Variants in ING5 observed in about 807,000 individuals in gnomAD.
The protein encoded by ING5 is inhibitor of growth family member 5, also known as inhibitor of growth protein 5.
A neutral mutation model predicts 37.4 loss-of-function variants in ING5; 17 were observed. The observed-to-expected ratio is 0.45, with a 90% CI of 0.31 to 0.68. The LOEUF (loss-of-function observed/expected upper bound fraction) is 0.68, where lower values mean the gene tolerates loss of function less well. Among genes scored for constraint, ING5 ranks in the 30% least tolerant of loss-of-function variants. The probability of loss-of-function intolerance (pLI) is 0.05; values close to 1 mark genes in which losing one functional copy is unlikely to be tolerated. For synonymous variants in ING5, 123 were observed against 116.6 expected, an observed-to-expected ratio of 1.06 and a Z score of -0.36; for missense variants, 233 against 311.9, an observed-to-expected ratio of 0.75 and a Z score of 1.91.
At chr2:241,718,482 T>A (rs1437262111) in intron 5 of ING5, among the ~76,000 whole-genome samples, 1 of 145,330 alleles carries the variant, frequency 6.9e-6, no homozygotes, top group African/African-American at 2.5e-5. Context: ...ACTGGTACAA[T>A]CTTGGCTCAC....
chr2:241,692,466 CTT>C (rs577054689), intron 2 of ING5, among the ~76,000 whole-genome samples: 6 of 143,526 alleles, frequency 4.2e-5, no homozygotes, highest in Admixed American at 7.0e-5. Flanking sequence ...ACACATCTGG[CTT>C]TTTTTTTTTT....
rs1261960393 is a variant in ING5 at position 241,723,277 on chromosome 2, T to C, written c.680+6T>C. 1 of 1,613,732 alleles carries C rather than the reference T, an allele frequency of 6.2e-7. No homozygotes were observed. Among genetic ancestry groups the C allele is most frequent in the Non-Finnish European group, 8.5e-7 (1 of 1,179,622 alleles). On this transcript the variant is annotated splice_donor_region_variant and intron_variant, in intron 7 of 7. Coordinates refer to ENST00000313552, the MANE Select transcript of ING5 (RefSeq NM_032329.6). Reference sequence around the variant, plus strand: ...ACGAAACCCAAAGGAAAATGGTGAGTGTGGGGACGCTCGCTCTGTTTTCTC... The same window carrying C: ...ACGAAACCCAAAGGAAAATGGTGAGCGTGGGGACGCTCGCTCTGTTTTCTC...
intron 5 of ING5, chr2:241,721,778 T>C (rs1231383637): frequency 1.0e-5 from 10 of 985,484 alleles, no homozygotes; most frequent in Non-Finnish European, 1.2e-5. Flanking sequence ...TGAAAAATAC[T>C]GAAATATAAA....
rs544720130 is a variant in ING5 at position 241,712,192 on chromosome 2, T to C, written c.482+121T>C. On this transcript the variant is annotated intron_variant, in intron 5 of 7. Transcript: ENST00000313552. ...GCACCCCGTGTGCCGGGTGGTATTC[T>C]GATTCTTACGCTGCGCGCCTGTCGT... 54 of 812,136 alleles carry C rather than the reference T, an allele frequency of 6.6e-5. No homozygotes were observed. The African/African-American group carries it at 8.7e-4, about 13-fold the overall frequency. 50.3% of individuals were successfully genotyped at this position (812,136 alleles called of 1,614,324 possible). A position where few individuals can be genotyped will look rare whatever the true frequency, so the allele number is the denominator to read the frequency against.
intron 2 of ING5, chr2:241,694,061 TATATG>T (rs370985914): frequency 2.4e-4 from 37 of 152,168 alleles, no homozygotes; most frequent in African/African-American, 7.5e-4. Context: ...TTATATTTAA[TATATG>T]ATATGTGAGG....
chr2:241,701,172 C>A, upstream of ING5, among the ~76,000 whole-genome samples: 1 of 150,342 alleles, frequency 6.7e-6, no homozygotes, highest in African/African-American at 2.5e-5. Flanking sequence ...ACACGTTGGC[C>A]AGGCTGGTCT....
rs936101556 is a variant in ING5 at position 241,723,966 on chromosome 2, C to T, written c.680+695C>T. On this transcript the variant is annotated intron_variant, in intron 7 of 7. Transcript: ENST00000313552. ...CCGAGGCTTCAGTGAGCTGAGATCGCGCCACTGCACTCCAGCCTGGGCGAG... is the reference window on the plus strand; with the variant it reads ...CCGAGGCTTCAGTGAGCTGAGATCGTGCCACTGCACTCCAGCCTGGGCGAG... 67 of 1,240,424 alleles carry T rather than the reference C, an allele frequency of 5.4e-5. 1 individual carries two copies. Among genetic ancestry groups the T allele is most frequent in the Admixed American group, 1.2e-4 (5 of 41,564 alleles). 76.8% of individuals were successfully genotyped at this position (1,240,424 alleles called of 1,614,324 possible). A position where few individuals can be genotyped will look rare whatever the true frequency, so the allele number is the denominator to read the frequency against.
chr2:241,687,532 G>A (rs1444129628), exon 1 of ING5: 1 of 375,914 alleles, frequency 2.7e-6, no homozygotes, highest in African/African-American at 2.3e-5. Flanking sequence ...TGTTTTTGTT[G>A]TTTTTGTTTG....
chr2:241,705,328 T>G (rs1384474748), intron 2 of ING5, among the ~76,000 whole-genome samples: 1 of 151,404 alleles, frequency 6.6e-6, no homozygotes, highest in African/African-American at 2.4e-5. Flanking sequence ...TCTGCCCGCC[T>G]CAGCCTCCCA....
intron 3 of ING5, among the ~76,000 whole-genome samples, chr2:241,711,081 C>T (rs987751907): frequency 5.9e-5 from 9 of 152,144 alleles, no homozygotes; most frequent in African/African-American, 2.2e-4. Context: ...TAGGGTTCAG[C>T]GTCAGATATC....
intron 2 of ING5, among the ~76,000 whole-genome samples, chr2:241,708,131 C>T (rs554231330): frequency 8.6e-5 from 13 of 151,962 alleles, no homozygotes; most frequent in Admixed American, 2.6e-4. Context: ...CTCTTAACCT[C>T]GTGATCCTCC....
At chr2:241,691,446 A>C (rs959457494) in intron 2 of ING5, among the ~76,000 whole-genome samples, 3 of 148,760 alleles carry the variant, frequency 2.0e-5, no homozygotes, top group African/African-American at 7.8e-5. Context: ...CTCAAAAAAA[A>C]AAAACAAAAA....
intron 2 of ING5, among the ~76,000 whole-genome samples, chr2:241,693,114 C>T (rs894617874): frequency 6.6e-6 from 1 of 151,972 alleles, no homozygotes; most frequent in African/African-American, 2.4e-5. Context: ...CACAAATTAG[C>T]TGGGTGTGGT....
intron 5 of ING5, among the ~76,000 whole-genome samples, chr2:241,712,541 T>C (rs1559307297): frequency 6.6e-6 from 1 of 152,222 alleles, no homozygotes; most frequent in Non-Finnish European, 1.5e-5. Context: ...TAAATAGACA[T>C]GTCATTTAAC....
chr2:241,692,824 G>T (rs1000361693), intron 2 of ING5, among the ~76,000 whole-genome samples: 1 of 152,038 alleles, frequency 6.6e-6, no homozygotes, highest in South Asian at 2.1e-4. Context: ...TTGAGGAGAC[G>T]TCTCCTTTCA....
At chr2:241,724,049 C>T in intron 7 of ING5, 4 of 1,388,368 alleles carry the variant, frequency 2.9e-6, no homozygotes, top group Non-Finnish European at 3.7e-6. Flanking sequence ...GCTTTGTTTG[C>T]CTGTGCTGAA....
intron 1 of ING5, among the ~76,000 whole-genome samples, chr2:241,689,633 G>A (rs934084656): frequency 1.3e-5 from 2 of 152,200 alleles, no homozygotes; most frequent in Admixed American, 1.3e-4. Context: ...CGTTGTAGCT[G>A]ATGGGCAGCA....
At chr2:241,719,858 C>T in intron 5 of ING5, 1 of 1,396,678 alleles carries the variant, frequency 7.2e-7, no homozygotes, top group South Asian at 1.7e-5. Flanking sequence ...GCGCTGCCTG[C>T]CGTGCAGGTC....
At chr2:241,722,436 T>C (rs2070455634) in intron 5 of ING5, 1 of 985,348 alleles carries the variant, frequency 1.0e-6, no homozygotes, top group Non-Finnish European at 1.2e-6. Context: ...CTTCACGGCC[T>C]CCTGGGGGCC....
Sources: gnomAD v4.1 joint callset for allele counts (sites outside exome capture counted in the v4.1 genomes callset) on GRCh38, gnomAD v4.1.1 for gene constraint, MANE v1.5 for transcripts, NCBI Gene and HGNC (gene_info 2026-07-23, HGNC 2026-07-21) for gene names.